SGMS1: variants seen among roughly 807,000 people sequenced by gnomAD.
The protein encoded by SGMS1 is phosphatidylcholine:ceramide cholinephosphotransferase 1.
In SGMS1, 13 loss-of-function variants were observed where a neutral mutation model predicts 46.2. The observed-to-expected ratio is 0.28, with a 90% CI of 0.18 to 0.45. SGMS1 has a LOEUF of 0.45. Ranked by LOEUF, SGMS1 falls within the 20% of genes least tolerant of loss-of-function variation. SGMS1 has a pLI of 1.00. For missense variants in SGMS1, 324 were observed against 519.9 expected, an observed-to-expected ratio of 0.62 and a Z score of 3.66; for synonymous variants, 203 against 187.8, an observed-to-expected ratio of 1.08 and a Z score of -0.66.
chr10:50,624,173 C>T, upstream of SGMS1: 1 of 974,236 alleles, frequency 1.0e-6, no homozygotes, highest in Non-Finnish European at 1.2e-6. Flanking sequence ...AGGAGGCGGG[C>T]GCTTTCCCCA....
intron 2 of SGMS1, among the ~76,000 whole-genome samples, chr10:50,521,249 C>T (rs1050561948): frequency 3.9e-5 from 6 of 152,116 alleles, no homozygotes; most frequent in Non-Finnish European, 4.4e-5. Context: ...TATCCAGGTA[C>T]TTTTTACCCA....
chr10:50,615,190 A>G (rs1838785406), intron 1 of SGMS1, among the ~76,000 whole-genome samples: 1 of 152,174 alleles, frequency 6.6e-6, no homozygotes. Flanking sequence ...CGCCCACTGA[A>G]TGCCTGCCGA....
intron 6 of SGMS1, among the ~76,000 whole-genome samples, chr10:50,358,624 G>A (rs531046226): frequency 6.6e-6 from 1 of 152,308 alleles, no homozygotes; most frequent in South Asian, 2.1e-4. Context: ...GGGAGGCAGA[G>A]GCTGCAGTAA....
intron 6 of SGMS1, among the ~76,000 whole-genome samples, chr10:50,359,798 T>C (rs575051893): frequency 2.0e-5 from 3 of 152,294 alleles, no homozygotes; most frequent in African/African-American, 4.8e-5. Flanking sequence ...TCCATATCTA[T>C]AGTAATACAT....
chr10:50,613,121 A>G (rs1034490783), intron 1 of SGMS1, among the ~76,000 whole-genome samples: 68 of 152,302 alleles, frequency 4.5e-4, no homozygotes, highest in African/African-American at 1.6e-3. Context: ...TGAAAACCTC[A>G]TGTGGCTTTC....
chr10:50,500,599 T>A (rs1296853244), intron 3 of SGMS1, among the ~76,000 whole-genome samples: 2 of 152,028 alleles, frequency 1.3e-5, no homozygotes, highest in Non-Finnish European at 2.9e-5. Context: ...TGATTTGGGT[T>A]CCATTAATAT....
chr10:50,624,965 C>A (rs1838908335), upstream of SGMS1: 1 of 1,037,360 alleles, frequency 9.6e-7, no homozygotes, highest in Non-Finnish European at 1.2e-6. Flanking sequence ...TCCGCCCGGC[C>A]ATCGGGCCGC....
chr10:50,451,429 G>A (rs1335945918), intron 5 of SGMS1, among the ~76,000 whole-genome samples: 1 of 152,148 alleles, frequency 6.6e-6, no homozygotes, highest in Non-Finnish European at 1.5e-5. Flanking sequence ...TAAAACTTGA[G>A]CATTCTACCA....
intron 5 of SGMS1, among the ~76,000 whole-genome samples, chr10:50,445,501 C>T (rs1291798015): frequency 6.6e-6 from 1 of 152,066 alleles, no homozygotes; most frequent in Non-Finnish European, 1.5e-5. Context: ...ATTAGTTCCC[C>T]AAATTAATAC....
At chr10:50,503,650 T>A (rs1331750825) in intron 3 of SGMS1, among the ~76,000 whole-genome samples, 1 of 152,214 alleles carries the variant, frequency 6.6e-6, no homozygotes, top group Non-Finnish European at 1.5e-5. Flanking sequence ...ATAAACAGCC[T>A]TGTTGCTCAC....
intron 3 of SGMS1, among the ~76,000 whole-genome samples, chr10:50,511,418 C>G (rs1046212333): frequency 7.9e-5 from 12 of 152,124 alleles, no homozygotes; most frequent in Non-Finnish European, 1.8e-4. Flanking sequence ...TTCTGTGGGA[C>G]CAGGTCATCC....
upstream of SGMS1, chr10:50,624,132 T>C (rs1564447178): frequency 8.1e-6 from 8 of 985,232 alleles, no homozygotes; most frequent in Admixed American, 1.8e-4. Flanking sequence ...TTTGGGCCCC[T>C]TGAATTTTAC....
In SGMS1 at chr10:50,353,425, G is replaced by C. The variant is rs575819603; in HGVS notation, c.-231-9080C>G. Among the ~76,000 whole-genome samples, 5 of 152,412 alleles carry C rather than the reference G, an allele frequency of 3.3e-5. No individual in the cohort carries two copies. In the East Asian group the frequency reaches 9.6e-4, roughly 29 times the overall value. ...AAAAACTCTCAATATATTAGGTATT[G>C]ATGGGATGTATCTCAAAATAATAAG... On this transcript the variant is annotated intron_variant, in intron 6 of 10. Transcript: ENST00000361781.
intron 3 of SGMS1, among the ~76,000 whole-genome samples, chr10:50,508,551 T>C (rs1183319678): frequency 6.6e-6 from 1 of 152,224 alleles, no homozygotes; most frequent in East Asian, 1.9e-4. Flanking sequence ...CCCTTTCTGA[T>C]GGGATTTCAC....
chr10:50,436,083 A>G (rs1227832809), intron 5 of SGMS1, among the ~76,000 whole-genome samples: 2 of 152,218 alleles, frequency 1.3e-5, no homozygotes, highest in African/African-American at 2.4e-5. Flanking sequence ...TGGTTATTCA[A>G]AAGAATTATA....
At chr10:50,524,542 T>C (rs775289893) in intron 2 of SGMS1, among the ~76,000 whole-genome samples, 3 of 152,228 alleles carry the variant, frequency 2.0e-5, no homozygotes, top group Non-Finnish European at 2.9e-5. Context: ...ACCTTTATAA[T>C]AAATAAACTT....
At chr10:50,369,422 T>G (rs899776016) in intron 6 of SGMS1, among the ~76,000 whole-genome samples, 3 of 152,104 alleles carry the variant, frequency 2.0e-5, no homozygotes, top group African/African-American at 4.8e-5. Flanking sequence ...CCCTTGAGCC[T>G]GGGAAGTTGA....
At chr10:50,327,120 AC>A in intron 8 of SGMS1, 84 bp downstream of exon 8, 2 of 771,606 alleles carry the variant, frequency 2.6e-6, no homozygotes, top group Non-Finnish European at 2.2e-6. Context: ...TTCTGAAGAA[AC>A]GTTTTCCTGC....
chr10:50,323,508 G>C (rs1322944454), intron 8 of SGMS1, among the ~76,000 whole-genome samples: 1 of 152,096 alleles, frequency 6.6e-6, no homozygotes, highest in Non-Finnish European at 1.5e-5. Flanking sequence ...ACTTGTTTCT[G>C]GGCCTTTTCA....
Sources: gnomAD v4.1 joint callset for allele counts (sites outside exome capture counted in the v4.1 genomes callset) on GRCh38, gnomAD v4.1.1 for gene constraint, MANE v1.5 for transcripts, NCBI Gene and HGNC (gene_info 2026-07-23, HGNC 2026-07-21) for gene names.